The following FBXO3 variants were observed in gnomAD, a reference collection of about 807,000 sequenced individuals.
FBXO3 encodes F-box only protein 3.
In FBXO3, 17 loss-of-function variants were observed where a neutral mutation model predicts 64.8. That is an observed-to-expected ratio of 0.26 (90% confidence interval 0.18 to 0.39). FBXO3 has a LOEUF of 0.39. Ranked by LOEUF, FBXO3 falls within the 10% of genes least tolerant of loss-of-function variation. The pLI, the probability that FBXO3 is intolerant of heterozygous loss-of-function variation, is 1.00. For synonymous variants in FBXO3, 182 were observed against 201.6 expected (o/e 0.90, Z 0.82); for missense variants, 420 against 589.9 (o/e 0.71, Z 2.98).
In FBXO3 at chr11:33,741,700, A is replaced by G. The variant is rs1000853467; in HGVS notation, c.*208T>C. 2.5e-6 allele frequency: 1 copy of G among 397,228 alleles called. No individual in the cohort carries two copies. Among genetic ancestry groups the G allele is most frequent in the Non-Finnish European group, 4.4e-6 (1 of 228,244 alleles). The allele number at this position is 397,228 out of a possible 1,614,324, so 24.6% of individuals were successfully genotyped here. The stretch of plus-strand genomic sequence containing the variant: ...CTGACTCCTGGAAGAGAAAAAAAAG[A>G]TTCCCATTTCTTCCTCTACCTCAAA... On this transcript the variant is annotated 3_prime_UTR_variant, in exon 11 of 11. Coordinates refer to ENST00000265651, the MANE Select transcript of FBXO3 (RefSeq NM_012175.4).
At chr11:33,749,249 G>A (rs890625644) in intron 8 of FBXO3, among the ~76,000 whole-genome samples, 8 of 152,100 alleles carry the variant, frequency 5.3e-5, no homozygotes, top group East Asian at 1.9e-4. Flanking sequence ...AAAAACTTCC[G>A]GAGAACTGAA....
intron 8 of FBXO3, 38 bp downstream of exon 8, chr11:33,750,501 A>C: frequency 1.2e-6 from 2 of 1,610,654 alleles, no homozygotes; most frequent in Non-Finnish European, 1.7e-6. Flanking sequence ...GATATATCCC[A>C]CCATTAACTG....
intron 3 of FBXO3, among the ~76,000 whole-genome samples, chr11:33,758,948 C>G (rs746732770): frequency 7.2e-5 from 11 of 151,826 alleles, no homozygotes; most frequent in Non-Finnish European, 1.6e-4. Context: ...CAGCAAAACC[C>G]CTGGAAGTTC....
chr11:33,761,421 C>T (rs549427015), intron 3 of FBXO3, among the ~76,000 whole-genome samples: 1 of 152,266 alleles, frequency 6.6e-6, no homozygotes, highest in South Asian at 2.1e-4. Context: ...GACTTTAAGG[C>T]AAACAACTTT....
Position 33,741,745 on chromosome 11 carries a change from C to G in FBXO3, c.*163G>C. 1.7e-6 allele frequency: 1 copy of G among 587,754 alleles called. No homozygotes were observed. Among genetic ancestry groups the G allele is most frequent in the African/African-American group, 1.9e-5 (1 of 52,286 alleles). 36.4% of individuals were successfully genotyped at this position (587,754 alleles called of 1,614,324 possible). A position where few individuals can be genotyped will look rare whatever the true frequency, so the allele number is the denominator to read the frequency against. ...CTCAAAAACACAAAGCAAACCCAAA[C>G]AATCCAATTCCTAATGTAGTGTCAC... On this transcript the variant is annotated 3_prime_UTR_variant, in exon 11 of 11. Transcript: ENST00000265651.
intron 6 of FBXO3, among the ~76,000 whole-genome samples, chr11:33,752,901 CTTATT>C (rs1854998841): frequency 2.0e-5 from 3 of 152,070 alleles, no homozygotes; most frequent in Admixed American, 2.0e-4. Context: ...TTTAATCTAC[CTTATT>C]TTATTACAAT....
At chr11:33,747,560 G>T (rs1854846435) in intron 9 of FBXO3, among the ~76,000 whole-genome samples, 1 of 149,228 alleles carries the variant, frequency 6.7e-6, no homozygotes, top group African/African-American at 2.5e-5. Flanking sequence ...TGCCCACGCT[G>T]GAGTGCAGTG....
chr11:33,758,647 A>C lies in FBXO3; in HGVS notation c.359-46T>G, dbSNP rs368940525. ...GTGAATTGTGAAGAAACAGCCTTAA[A>C]TCTAAGAAGAAATGCAATCTATCTG... On this transcript the variant is annotated intron_variant, in intron 3 of 10. Coordinates refer to ENST00000265651, the MANE Select transcript of FBXO3 (RefSeq NM_012175.4). 3.7e-6 allele frequency: 5 copies of C among 1,366,328 alleles called. No individual in the cohort carries two copies. The East Asian group carries it at 1.2e-4, about 33-fold the overall frequency. The allele number at this position is 1,366,328 out of a possible 1,614,324, so 84.6% of individuals were successfully genotyped here. A position where few individuals can be genotyped will look rare whatever the true frequency, so the allele number is the denominator to read the frequency against.
intron 4 of FBXO3, among the ~76,000 whole-genome samples, chr11:33,757,651 T>A (rs1590574840): frequency 8.2e-5 from 2 of 24,294 alleles, no homozygotes; most frequent in African/African-American, 1.3e-4. Flanking sequence ...CAAGACACCA[T>A]CTCTTAAAAA....
Position 33,742,104 on chromosome 11 carries a change from T to C in FBXO3, c.1240-20A>G. 6.6e-7 allele frequency: 1 copy of C among 1,521,792 alleles called. No individual in the cohort carries two copies. Among genetic ancestry groups the C allele is most frequent in the Non-Finnish European group, 8.8e-7 (1 of 1,137,134 alleles). The allele number at this position is 1,521,792 out of a possible 1,614,324, so 94.3% of individuals were successfully genotyped here. On this transcript the variant is annotated intron_variant, in intron 10 of 10. Transcript: ENST00000265651. ...CATTTCCTTGAAAGAGAAAACAATCTTTTGATAAGAAGAGCATCTATCAGT... is the reference window on the plus strand; with the variant it reads ...CATTTCCTTGAAAGAGAAAACAATCCTTTGATAAGAAGAGCATCTATCAGT...
intron 3 of FBXO3, among the ~76,000 whole-genome samples, chr11:33,762,249 C>T (rs905929448): frequency 6.6e-6 from 1 of 152,164 alleles, no homozygotes; most frequent in Non-Finnish European, 1.5e-5. Context: ...AGACAAAATA[C>T]ACAATTCAGT....
intron 3 of FBXO3, among the ~76,000 whole-genome samples, chr11:33,760,534 A>G (rs1855218053): frequency 6.6e-6 from 1 of 151,930 alleles, no homozygotes; most frequent in South Asian, 2.1e-4. Flanking sequence ...AGTCCCAGCT[A>G]CTCGGGAGAC....
chr11:33,770,464 AG>A (rs2133625839), intron 2 of FBXO3, among the ~76,000 whole-genome samples: 1 of 152,348 alleles, frequency 6.6e-6, no homozygotes, highest in South Asian at 2.1e-4. Context: ...TCTAGACCTC[AG>A]TGGGGAAGTC....
intron 2 of FBXO3, 46 bp downstream of exon 2, chr11:33,770,695 A>G (rs928275950): frequency 8.3e-6 from 12 of 1,448,516 alleles, no homozygotes; most frequent in Non-Finnish European, 1.1e-5. Context: ...GTTATGGAAG[A>G]AGCCAAGGGC....
At chr11:33,744,962 G>A (rs777884381) in intron 10 of FBXO3, 2 of 152,054 alleles carry the variant, frequency 1.3e-5, no homozygotes, top group African/African-American at 2.4e-5. Context: ...CTTAAATAAA[G>A]ACAACTTTAC....
chr11:33,761,867 TG>T (rs1855252378), intron 3 of FBXO3, among the ~76,000 whole-genome samples: 1 of 152,176 alleles, frequency 6.6e-6, no homozygotes. Context: ...CTCCATAATA[TG>T]CCAGCTTGCT....
At chr11:33,766,655 G>T (rs1855378195) in intron 3 of FBXO3, among the ~76,000 whole-genome samples, 1 of 152,182 alleles carries the variant, frequency 6.6e-6, no homozygotes. Flanking sequence ...ATTTCAAGAT[G>T]CTCCATAAAA....
intron 4 of FBXO3, among the ~76,000 whole-genome samples, 160 bp downstream of exon 4, chr11:33,758,327 T>A (rs927738573): frequency 2.0e-5 from 3 of 152,210 alleles, no homozygotes; most frequent in African/African-American, 7.2e-5. Flanking sequence ...AAAATCTAAT[T>A]CAAGCTATAG....
At chr11:33,759,778 A>T (rs1855197845) in intron 3 of FBXO3, among the ~76,000 whole-genome samples, 1 of 152,198 alleles carries the variant, frequency 6.6e-6, no homozygotes, top group Non-Finnish European at 1.5e-5. Context: ...GTAAACATGG[A>T]CTTAAAAATA....
Sources: allele counts gnomAD v4.1 joint callset (sites outside exome capture counted in the v4.1 genomes callset), GRCh38; gene constraint gnomAD v4.1.1; transcripts MANE v1.5; gene names NCBI Gene and HGNC (gene_info 2026-07-23, HGNC 2026-07-21).